RBFOX1: variants seen among roughly 807,000 people sequenced by gnomAD.
The protein encoded by RBFOX1 is RNA binding fox-1 homolog 1, also known as RNA binding protein fox-1 homolog 1.
Under a neutral mutation model 57.7 loss-of-function variants are expected in RBFOX1, and 8 were observed. The ratio of observed to expected loss-of-function variants is 0.14; its 90% CI spans 0.08 to 0.25. The LOEUF is 0.25. RBFOX1 is among the 10% of genes least tolerant of loss of function. The pLI is 1.00. For synonymous variants in RBFOX1, 326 were observed against 222.4 expected (o/e 1.47, Z -4.15); for missense variants, 611 against 548.5 (o/e 1.11, Z -1.14).
chr16:7,253,207 G>T (rs2094555477), intron 4 of RBFOX1, among the ~76,000 whole-genome samples: 1 of 152,182 alleles, frequency 6.6e-6, no homozygotes, highest in Non-Finnish European at 1.5e-5. Flanking sequence ...CAAGACAAAA[G>T]AACCTGTGGT....
chr16:5,363,647 A>G (rs1208810621), intron 1 of RBFOX1, among the ~76,000 whole-genome samples: 2 of 152,160 alleles, frequency 1.3e-5, no homozygotes, highest in African/African-American at 4.8e-5. Flanking sequence ...GTACTAATGA[A>G]TCATGACCCT....
intron 2 of RBFOX1, among the ~76,000 whole-genome samples, chr16:6,387,760 C>G (rs1442102604): frequency 6.6e-6 from 1 of 152,122 alleles, no homozygotes; most frequent in African/African-American, 2.4e-5. Context: ...CATGCCCCTA[C>G]TTCTCTAAGA....
chr16:7,367,885 T>TACACACACACACACACACAC (rs34277471), intron 4 of RBFOX1, among the ~76,000 whole-genome samples: 75 of 148,430 alleles, frequency 5.1e-4, no homozygotes, highest in African/African-American at 1.8e-3. Context: ...CATGCGTGCA[T>TACACACACACACACACACAC]ACACACACAC....
chr16:6,748,243 C>G (rs1490048553), intron 3 of RBFOX1, among the ~76,000 whole-genome samples: 1 of 152,064 alleles, frequency 6.6e-6, no homozygotes, highest in Non-Finnish European at 1.5e-5. Flanking sequence ...CAGAAGTATA[C>G]AGACCCAGCC....
chr16:5,446,504 C>G (rs1295293146), intron 1 of RBFOX1, among the ~76,000 whole-genome samples: 1 of 151,594 alleles, frequency 6.6e-6, no homozygotes, highest in African/African-American at 2.4e-5. Context: ...AAATGGTCCT[C>G]TGGATATATT....
intron 3 of RBFOX1, among the ~76,000 whole-genome samples, chr16:6,994,747 G>A (rs938314610): frequency 6.6e-6 from 1 of 152,176 alleles, no homozygotes; most frequent in African/African-American, 2.4e-5. Context: ...TTTCTGAAAT[G>A]TGTTATTATG....
chr16:7,165,789 T>A (rs2079353020), intron 4 of RBFOX1, among the ~76,000 whole-genome samples: 1 of 152,008 alleles, frequency 6.6e-6, no homozygotes, highest in South Asian at 2.1e-4. Context: ...TGACTCTGAA[T>A]AGGGTGGGGA....
chr16:6,175,566 A>G (rs921274050), intron 1 of RBFOX1, among the ~76,000 whole-genome samples: 13 of 152,178 alleles, frequency 8.5e-5, no homozygotes, highest in African/African-American at 2.7e-4. Context: ...TTTGTTGTGC[A>G]TAGCACCTAG....
intron 1 of RBFOX1, among the ~76,000 whole-genome samples, chr16:6,178,221 C>G (rs549300419): frequency 9.1e-6 from 1 of 110,334 alleles, no homozygotes; most frequent in South Asian, 3.2e-4. Context: ...GAGTGTTGCT[C>G]TATTCCCCAG....
chr16:5,867,469 G>C, intron 4 of RBFOX1: 1 of 594,404 alleles, frequency 1.7e-6, no homozygotes, highest in Non-Finnish European at 2.5e-6. Flanking sequence ...TGTGTTTTCA[G>C]TTGAGTGGTT....
At chr16:7,609,439 A>C (rs2056993947) in intron 10 of RBFOX1, among the ~76,000 whole-genome samples, 1 of 152,144 alleles carries the variant, frequency 6.6e-6, no homozygotes, top group Non-Finnish European at 1.5e-5. Context: ...AGAAACAGTT[A>C]AGACTGATTT....
At chr16:6,764,238 C>G (rs1027283943) in intron 3 of RBFOX1, among the ~76,000 whole-genome samples, 1 of 152,174 alleles carries the variant, frequency 6.6e-6, no homozygotes, top group African/African-American at 2.4e-5. Flanking sequence ...AGCTGGCATG[C>G]AAATTGGCTG....
At chr16:6,315,381 G>T (rs2080949319) in intron 1 of RBFOX1, among the ~76,000 whole-genome samples, 2 of 151,758 alleles carry the variant, frequency 1.3e-5, no homozygotes, top group African/African-American at 4.8e-5. Context: ...TGGATGGATG[G>T]ATGGGTGGAT....
At chr16:7,156,274 ATGTAC>A (rs1393549609) in intron 4 of RBFOX1, among the ~76,000 whole-genome samples, 5 of 151,834 alleles carry the variant, frequency 3.3e-5, no homozygotes, top group African/African-American at 1.2e-4. Context: ...GTACATGTAC[ATGTAC>A]ATATACATGT....
intron 2 of RBFOX1, among the ~76,000 whole-genome samples, chr16:6,456,454 G>A (rs903327717): frequency 6.6e-6 from 1 of 152,124 alleles, no homozygotes; most frequent in African/African-American, 2.4e-5. Flanking sequence ...GATTATTCAA[G>A]TTTATCATTG....
At chr16:6,288,763 G>C (rs2077156659) in intron 1 of RBFOX1, among the ~76,000 whole-genome samples, 1 of 152,112 alleles carries the variant, frequency 6.6e-6, no homozygotes, top group Non-Finnish European at 1.5e-5. Flanking sequence ...GATAGCACCT[G>C]AATACGCCTG....
intron 3 of RBFOX1, among the ~76,000 whole-genome samples, chr16:5,679,360 A>T (rs573175584): frequency 1.3e-5 from 2 of 151,668 alleles, no homozygotes; most frequent in Non-Finnish European, 2.9e-5. Flanking sequence ...AAACAATTTA[A>T]GTTCTGGGAT....
chr16:6,042,270 T>G (rs994969221), intron 1 of RBFOX1, among the ~76,000 whole-genome samples: 1 of 151,930 alleles, frequency 6.6e-6, no homozygotes, highest in African/African-American at 2.4e-5. Context: ...CCAGTTAATT[T>G]TTGTATTTTT....
At chr16:5,713,506 A>T (rs2051571217) in intron 3 of RBFOX1, among the ~76,000 whole-genome samples, 1 of 151,792 alleles carries the variant, frequency 6.6e-6, no homozygotes, top group Non-Finnish European at 1.5e-5. Context: ...ATCTTTGTTG[A>T]CTCTTTGTTC....
Sources: gnomAD v4.1 joint callset for allele counts (sites outside exome capture counted in the v4.1 genomes callset) on GRCh38, gnomAD v4.1.1 for gene constraint, MANE v1.5 for transcripts, NCBI Gene and HGNC (gene_info 2026-07-23, HGNC 2026-07-21) for gene names.